EXOC4: variants seen among roughly 807,000 people sequenced by gnomAD.
EXOC4 encodes the protein exocyst complex component 4, also known as SEC8-like 1.
A neutral mutation model predicts 107.2 loss-of-function variants in EXOC4; 71 were observed. That is an observed-to-expected ratio of 0.66 (90% CI 0.55 to 0.81). The LOEUF is 0.81. Among genes scored for constraint, EXOC4 ranks in the 30% least tolerant of loss-of-function variants. The pLI is 0.00. For missense variants in EXOC4, 1,108 were observed against 1,189.6 expected (o/e 0.93, Z 1.01); for synonymous variants, 456 against 441.2 (o/e 1.03, Z -0.42).
the EXOC4 span, among the ~76,000 whole-genome samples, chr7:134,086,321 GA>G: frequency 2.1e-4 from 32 of 152,160 alleles, no homozygotes; most frequent in African/African-American, 7.7e-4. Context: ...ATGATGCCAT[GA>G]GTGGAAAATT....
At chr7:133,367,779 C>A (rs1796280043) in intron 6 of EXOC4, among the ~76,000 whole-genome samples, 1 of 152,268 alleles carries the variant, frequency 6.6e-6, no homozygotes, top group East Asian at 1.9e-4. Context: ...ATGAGATAAT[C>A]CAAGTAAAGT....
intron 10 of EXOC4, among the ~76,000 whole-genome samples, chr7:133,697,679 C>T (rs1794566501): frequency 1.3e-5 from 2 of 152,104 alleles, no homozygotes; most frequent in Non-Finnish European, 2.9e-5. Context: ...ACCCTGATTC[C>T]AACAAGGACA....
intron 10 of EXOC4, among the ~76,000 whole-genome samples, chr7:133,787,094 A>G (rs547137983): frequency 6.6e-6 from 1 of 151,876 alleles, no homozygotes; most frequent in South Asian, 2.1e-4. Context: ...AACAACAATA[A>G]TGATAAGCAA....
chr7:133,835,056 G>A (rs1231140877), intron 11 of EXOC4, among the ~76,000 whole-genome samples: 1 of 152,142 alleles, frequency 6.6e-6, no homozygotes, highest in African/African-American at 2.4e-5. Context: ...CCATGATTGT[G>A]AGGCCTCCCC....
At chr7:133,956,956 G>A (rs1212068173) in intron 14 of EXOC4, among the ~76,000 whole-genome samples, 1 of 151,898 alleles carries the variant, frequency 6.6e-6, no homozygotes, top group Non-Finnish European at 1.5e-5. Flanking sequence ...TATAAAAAGT[G>A]TATTTTCCAC....
Position 133,613,604 on chromosome 7 carries a change from CA to C in EXOC4, c.1418-16429del, listed in dbSNP as rs199537076. 4.5e-3 allele frequency among the ~76,000 whole-genome samples: 608 copies of C among 135,022 alleles called. 5 individuals carry two copies. The highest frequency in any genetic ancestry group is 0.012 in the African/African-American group (429 of 37,050). The allele number at this position is 135,022 out of a possible 152,430, so 88.6% of individuals were successfully genotyped here. On this transcript the variant is annotated intron_variant, in intron 9 of 17. Transcript: ENST00000253861. ...GAAGCAGGGGAAAGTCATGACATTA[CA>C]AAAAAAAAAAAGATGCTGAATTGCT...
chr7:133,765,994 G>T (rs566883209), intron 10 of EXOC4, among the ~76,000 whole-genome samples: 1 of 151,940 alleles, frequency 6.6e-6, no homozygotes, highest in South Asian at 2.1e-4. Context: ...ACGAAAGTGA[G>T]GATGATATCT....
intron 6 of EXOC4, among the ~76,000 whole-genome samples, chr7:133,358,647 A>G (rs1403807674): frequency 2.0e-5 from 3 of 152,190 alleles, no homozygotes; most frequent in Non-Finnish European, 4.4e-5. Context: ...TTCCTAGATG[A>G]ATACAGTGAA....
chr7:133,275,975 A>G (rs571325837), intron 2 of EXOC4, among the ~76,000 whole-genome samples: 16 of 152,192 alleles, frequency 1.1e-4, no homozygotes, highest in Non-Finnish European at 1.8e-4. Flanking sequence ...CTGGCAAAAA[A>G]CCAAAATTCT....
chr7:133,707,981 A>G (rs544484827), intron 10 of EXOC4, among the ~76,000 whole-genome samples: 18 of 152,276 alleles, frequency 1.2e-4, no homozygotes, highest in Non-Finnish European at 2.5e-4. Flanking sequence ...TTACTTAGAT[A>G]ATGGAATGAT....
intron 12 of EXOC4, among the ~76,000 whole-genome samples, chr7:133,912,398 A>T (rs958405): frequency 2.0e-5 from 3 of 151,940 alleles, no homozygotes; most frequent in South Asian, 2.1e-4. Context: ...ACTATTTTAC[A>T]TTGGGGTTTT....
intron 10 of EXOC4, among the ~76,000 whole-genome samples, chr7:133,759,321 A>G (rs1407324208): frequency 2.0e-5 from 3 of 152,096 alleles, no homozygotes; most frequent in African/African-American, 7.2e-5. Context: ...CTAAGATATT[A>G]TTTCTCTGAG....
At chr7:133,579,101 T>G (rs1285875053) in intron 9 of EXOC4, among the ~76,000 whole-genome samples, 1 of 152,164 alleles carries the variant, frequency 6.6e-6, no homozygotes, top group African/African-American at 2.4e-5. Context: ...AGTTATCCTA[T>G]CTTGTTCTTT....
chr7:133,778,202 T>C lies in EXOC4; in HGVS notation c.1515-39123T>C, dbSNP rs148019936. ...CTACTCCATCTCTTGATGCTTATCT[T>C]AGGGGGGGTAATTAGTGAGAAAAGA... On this transcript the variant is annotated intron_variant, in intron 10 of 17. Transcript: ENST00000253861. 2.2e-3 allele frequency among the ~76,000 whole-genome samples: 341 copies of C among 152,248 alleles called. 2 individuals carry two copies. Among genetic ancestry groups the C allele is most frequent in the African/African-American group, 7.9e-3 (327 of 41,538 alleles).
chr7:133,783,369 C>T (rs987024763), intron 10 of EXOC4, among the ~76,000 whole-genome samples: 5 of 152,192 alleles, frequency 3.3e-5, no homozygotes, highest in Non-Finnish European at 4.4e-5. Flanking sequence ...CATCTCATAA[C>T]CCATATGGAC....
chr7:133,424,657 T>C (rs1289331709), intron 7 of EXOC4, among the ~76,000 whole-genome samples: 1 of 152,206 alleles, frequency 6.6e-6, no homozygotes, highest in Admixed American at 6.5e-5. Context: ...TAAAAAGATA[T>C]GCCGGGAATA....
rs184567941 is a variant in EXOC4, at chr7:133,347,276, C to T, written c.764-9054C>T. ...TTTTTTTTTGTGAGGCAGAGTTTTG[C>T]TCTCTTGCCCAGGCTAGAGTGCAGT... On this transcript the variant is annotated intron_variant, in intron 5 of 17. Coordinates refer to ENST00000253861, the MANE Select transcript of EXOC4 (RefSeq NM_021807.4). Among the ~76,000 whole-genome samples, 8 of 138,338 alleles carry T rather than the reference C, an allele frequency of 5.8e-5. No homozygotes were observed. The East Asian group carries it at 1.6e-3, about 28-fold the overall frequency. 90.8% of individuals were successfully genotyped at this position (138,338 alleles called of 152,430 possible). A position where few individuals can be genotyped will look rare whatever the true frequency, so the allele number is the denominator to read the frequency against.
intron 7 of EXOC4, among the ~76,000 whole-genome samples, chr7:133,419,810 A>G (rs922383806): frequency 2.0e-5 from 3 of 152,130 alleles, no homozygotes; most frequent in African/African-American, 7.2e-5. Flanking sequence ...GATTTAAAAT[A>G]GCACACACTT....
At chr7:133,957,154 C>T (rs368112718) in intron 14 of EXOC4, among the ~76,000 whole-genome samples, 1 of 152,112 alleles carries the variant, frequency 6.6e-6, no homozygotes, top group African/African-American at 2.4e-5. Context: ...CAAAGCTTTT[C>T]TTCATTTCTT....
Sources: gnomAD v4.1 joint callset for allele counts (sites outside exome capture counted in the v4.1 genomes callset) on GRCh38, gnomAD v4.1.1 for gene constraint, MANE v1.5 for transcripts, NCBI Gene and HGNC (gene_info 2026-07-23, HGNC 2026-07-21) for gene names.